The following SH3RF1 variants were observed in gnomAD, a reference collection of about 807,000 sequenced individuals.
SH3RF1 encodes the protein E3 ubiquitin-protein ligase SH3RF1.
A neutral mutation model predicts 74.0 loss-of-function variants in SH3RF1; 32 were observed. The observed-to-expected ratio is 0.43, with a 90% CI of 0.33 to 0.58. SH3RF1 has a LOEUF of 0.58. Ranked by LOEUF, SH3RF1 falls within the 20% of genes least tolerant of loss-of-function variation. SH3RF1 has a pLI of 0.05. For synonymous variants in SH3RF1, 396 were observed against 439.6 expected (o/e 0.90, Z 1.24); for missense variants, 954 against 1,130.9 (o/e 0.84, Z 2.24).
chr4:169,211,247 C>T (rs1730360294), intron 2 of SH3RF1, among the ~76,000 whole-genome samples: 1 of 152,124 alleles, frequency 6.6e-6, no homozygotes. Context: ...CTTTGGGAGG[C>T]CAAGGCGGGC....
chr4:169,248,921 A>G (rs1214223427), intron 2 of SH3RF1, among the ~76,000 whole-genome samples: 1 of 152,218 alleles, frequency 6.6e-6, no homozygotes, highest in Admixed American at 6.5e-5. Context: ...GGTATTAAGA[A>G]GTAGGGCCTT....
At chr4:169,100,247 C>T (rs1561023288) in intron 11 of SH3RF1, among the ~76,000 whole-genome samples, 1 of 152,178 alleles carries the variant, frequency 6.6e-6, no homozygotes, top group African/African-American at 2.4e-5. Context: ...TACATGGGAC[C>T]TGCTGATCTA....
intron 2 of SH3RF1, among the ~76,000 whole-genome samples, chr4:169,159,207 C>T (rs941054356): frequency 6.6e-6 from 1 of 152,162 alleles, no homozygotes; most frequent in African/African-American, 2.4e-5. Context: ...GGTCACATTA[C>T]ATTAGTGTCC....
At position 169,152,353 on chromosome 4, in the gene SH3RF1, C is replaced by G. The variant is rs146710065; in HGVS notation, c.765+3127G>C. Among the ~76,000 whole-genome samples the G allele has an allele frequency of 5.2e-3, 789 of 152,274 alleles. 6 individuals carry two copies. The highest frequency in any genetic ancestry group is 0.017 in the African/African-American group (724 of 41,540). ...GGGCCATTTATATAGCCATTCTTTC[C>G]CCTACTCACTTCTCCCAACCAGACT... On this transcript the variant is annotated intron_variant, in intron 4 of 11. Transcript: ENST00000284637.
intron 2 of SH3RF1, among the ~76,000 whole-genome samples, chr4:169,163,017 A>G (rs143977928): frequency 6.6e-6 from 1 of 152,122 alleles, no homozygotes; most frequent in Non-Finnish European, 1.5e-5. Context: ...CTCTTGACCA[A>G]ACAGCAATCA....
At chr4:169,174,119 A>C (rs62332722) in intron 2 of SH3RF1, among the ~76,000 whole-genome samples, 26,502 of 152,004 alleles carry the variant, frequency 0.17, 2,834 homozygotes, top group Non-Finnish European at 0.25. Context: ...GCTAGAGTGC[A>C]GTGGCGCAAT....
chr4:169,255,011 T>C (rs1731163171), intron 2 of SH3RF1, among the ~76,000 whole-genome samples: 1 of 151,966 alleles, frequency 6.6e-6, no homozygotes. Context: ...ATGAAAGGAA[T>C]GAGAGTACAT....
chr4:169,180,000 T>C (rs2660403), intron 2 of SH3RF1, among the ~76,000 whole-genome samples: 12,492 of 152,212 alleles, frequency 0.082, 615 homozygotes, highest in African/African-American at 0.13. Flanking sequence ...TCAAACATCT[T>C]AGATGTAATG....
chr4:169,192,123 A>C (rs1734729111), intron 2 of SH3RF1, among the ~76,000 whole-genome samples: 1 of 152,236 alleles, frequency 6.6e-6, no homozygotes, highest in Non-Finnish European at 1.5e-5. Context: ...ACAGAGTGGG[A>C]GAAAATCTTC....
intron 7 of SH3RF1, among the ~76,000 whole-genome samples, chr4:169,121,824 G>T (rs113908575): frequency 3.3e-5 from 5 of 152,260 alleles, no homozygotes; most frequent in African/African-American, 1.2e-4. Context: ...TCTTATGCAA[G>T]AAATGAAAAT....
At chr4:169,168,882 A>C (rs1734284908) in intron 2 of SH3RF1, among the ~76,000 whole-genome samples, 1 of 152,144 alleles carries the variant, frequency 6.6e-6, no homozygotes, top group Non-Finnish European at 1.5e-5. Context: ...GATAGTGATG[A>C]GGTATGAGAG....
chr4:169,165,768 T>C (rs1734232237), intron 2 of SH3RF1, among the ~76,000 whole-genome samples: 1 of 152,142 alleles, frequency 6.6e-6, no homozygotes. Context: ...TAAAAGATAG[T>C]TCATAGTTTC....
intron 2 of SH3RF1, among the ~76,000 whole-genome samples, chr4:169,245,669 A>G (rs1384858858): frequency 6.6e-6 from 1 of 152,210 alleles, no homozygotes; most frequent in Admixed American, 6.5e-5. Context: ...TCTGCTACAA[A>G]TAATATGGCC....
intron 2 of SH3RF1, among the ~76,000 whole-genome samples, chr4:169,176,252 G>A (rs988343666): frequency 2.0e-5 from 3 of 152,268 alleles, no homozygotes; most frequent in African/African-American, 7.2e-5. Context: ...AGTCAATGGG[G>A]AGCAGCCTGG....
At chr4:169,179,876 A>G (rs1734479846) in intron 2 of SH3RF1, among the ~76,000 whole-genome samples, 1 of 152,200 alleles carries the variant, frequency 6.6e-6, no homozygotes, top group South Asian at 2.1e-4. Flanking sequence ...CCTAAGACAT[A>G]TTCCACCCAC....
chr4:169,268,794 C>T, intron 2 of SH3RF1, 26 bp downstream of exon 2: 1 of 1,530,616 alleles, frequency 6.5e-7, no homozygotes, highest in Non-Finnish European at 8.7e-7. Context: ...CCTTTATTCA[C>T]CAAACTACCT....
intron 2 of SH3RF1, among the ~76,000 whole-genome samples, chr4:169,254,835 A>G (rs1731160954): frequency 1.3e-5 from 2 of 152,174 alleles, no homozygotes; most frequent in Non-Finnish European, 2.9e-5. Flanking sequence ...TCCAAAGGAG[A>G]GTGACTAAAA....
chr4:169,177,838 C>T (rs1389601300), intron 2 of SH3RF1, among the ~76,000 whole-genome samples: 1 of 151,984 alleles, frequency 6.6e-6, no homozygotes, highest in Admixed American at 6.6e-5. Context: ...GAAAACCTTA[C>T]ATATGTGTAT....
At chr4:169,179,296 G>A (rs1464964871) in intron 2 of SH3RF1, among the ~76,000 whole-genome samples, 1 of 152,122 alleles carries the variant, frequency 6.6e-6, no homozygotes, top group Admixed American at 6.6e-5. Context: ...TGTAAATAAG[G>A]AAACATTTTG....
Sources: allele counts gnomAD v4.1 joint callset (sites outside exome capture counted in the v4.1 genomes callset), GRCh38; gene constraint gnomAD v4.1.1; transcripts MANE v1.5; gene names NCBI Gene and HGNC (gene_info 2026-07-23, HGNC 2026-07-21).